Variants in MAST2 observed in about 807,000 individuals in gnomAD.
MAST2 encodes the protein microtubule-associated serine/threonine-protein kinase 2.
In MAST2, 70 loss-of-function variants were observed where a neutral mutation model predicts 147.4. The observed-to-expected ratio is 0.47, with a 90% CI of 0.39 to 0.58. The LOEUF (loss-of-function observed/expected upper bound fraction) is 0.58, where lower values mean the gene tolerates loss of function less well. Ranked by LOEUF, MAST2 falls within the 20% of genes least tolerant of loss-of-function variation. MAST2 has a pLI of 0.00. For synonymous variants in MAST2, 869 were observed against 896.8 expected, an observed-to-expected ratio of 0.97 and a Z score of 0.55; for missense variants, 2,080 against 2,302.3, an observed-to-expected ratio of 0.90 and a Z score of 1.98.
intron 4 of MAST2, among the ~76,000 whole-genome samples, chr1:45,911,607 G>A (rs187938476): frequency 6.6e-6 from 1 of 152,068 alleles, no homozygotes; most frequent in African/African-American, 2.4e-5. Flanking sequence ...TCATATATAG[G>A]TAACCAGGTG....
intron 21 of MAST2, 90 bp from the exon 22 acceptor site, chr1:46,030,517 T>G: frequency 1.4e-6 from 2 of 1,460,276 alleles, no homozygotes; most frequent in Non-Finnish European, 1.8e-6. Context: ...CTGGTTCAAA[T>G]TCCTAGGTTT....
chr1:45,937,775 A>T (rs1656502380), intron 4 of MAST2, among the ~76,000 whole-genome samples: 2 of 120,048 alleles, frequency 1.7e-5, no homozygotes, highest in Non-Finnish European at 3.5e-5. Context: ...AAAAAAAAAA[A>T]AAAAAAATTA....
chr1:45,860,613 C>A (rs1208026905), intron 3 of MAST2, among the ~76,000 whole-genome samples: 1 of 152,070 alleles, frequency 6.6e-6, no homozygotes, highest in Admixed American at 6.6e-5. Context: ...AGGCGGATCA[C>A]CTGAGGTCAG....
intron 4 of MAST2, among the ~76,000 whole-genome samples, chr1:45,928,821 G>C (rs1361512512): frequency 6.6e-6 from 1 of 151,662 alleles, no homozygotes; most frequent in East Asian, 1.9e-4. Flanking sequence ...TTTAATCTAG[G>C]GTGTTCTCAC....
At chr1:45,996,746 T>C (rs906060564) in intron 5 of MAST2, among the ~76,000 whole-genome samples, 1 of 152,138 alleles carries the variant, frequency 6.6e-6, no homozygotes, top group Admixed American at 6.6e-5. Flanking sequence ...CGTTAAGTGC[T>C]ATATAAGCCC....
chr1:45,848,164 A>T (rs780467873), intron 3 of MAST2, among the ~76,000 whole-genome samples: 18 of 152,360 alleles, frequency 1.2e-4, no homozygotes, highest in Non-Finnish European at 2.1e-4. Context: ...AGCAATGTTA[A>T]GAAATAGTAG....
chr1:45,870,165 C>T (rs1646324841), intron 3 of MAST2, among the ~76,000 whole-genome samples: 1 of 152,188 alleles, frequency 6.6e-6, no homozygotes, highest in Non-Finnish European at 1.5e-5. Context: ...CTGAGGTGAT[C>T]TGCCCACCTT....
chr1:45,834,977 G>A (rs1404113045), intron 3 of MAST2, among the ~76,000 whole-genome samples: 3 of 151,318 alleles, frequency 2.0e-5, no homozygotes, highest in Admixed American at 2.0e-4. Flanking sequence ...TTTATTGGTA[G>A]TGTTGAGGAT....
chr1:46,032,749 C>T, intron 26 of MAST2, 31 bp downstream of exon 26: 1 of 1,599,012 alleles, frequency 6.3e-7, no homozygotes, highest in Non-Finnish European at 8.5e-7. Flanking sequence ...CTGCATGGTC[C>T]CTGAATGACC....
chr1:45,995,931 C>T (rs983403802), intron 5 of MAST2, among the ~76,000 whole-genome samples: 8 of 152,234 alleles, frequency 5.3e-5, no homozygotes, highest in Admixed American at 2.0e-4. Context: ...GTAAAGGACC[C>T]ATCACACAAC....
At chr1:45,808,321 C>T (rs1281623317) in intron 1 of MAST2, among the ~76,000 whole-genome samples, 1 of 152,100 alleles carries the variant, frequency 6.6e-6, no homozygotes, top group Non-Finnish European at 1.5e-5. Flanking sequence ...ACCTCTGCCT[C>T]CCAGGTTCAA....
chr1:45,838,152 T>C (rs1015668836), intron 3 of MAST2, among the ~76,000 whole-genome samples: 1 of 152,018 alleles, frequency 6.6e-6, no homozygotes, highest in Non-Finnish European at 1.5e-5. Flanking sequence ...TTAATTTGCA[T>C]TTCTCTAATG....
intron 1 of MAST2, among the ~76,000 whole-genome samples, chr1:45,820,927 TC>T (rs1644607427): frequency 7.5e-6 from 1 of 133,486 alleles, no homozygotes; most frequent in Non-Finnish European, 1.6e-5. Flanking sequence ...TGAGTCAGAG[TC>T]TTGCTCTGTT....
Position 45,917,595 on chromosome 1 carries a change from A to C in MAST2, c.500+35200A>C. ...TGCTTCTGGCCAAATGGTAAAACGCATACCTTACTCCTTAATAATGGGGAG... is the reference window on the plus strand; with the variant it reads ...TGCTTCTGGCCAAATGGTAAAACGCCTACCTTACTCCTTAATAATGGGGAG... On this transcript the variant is annotated intron_variant, in intron 4 of 28. Coordinates refer to ENST00000361297, the MANE Select transcript of MAST2 (RefSeq NM_015112.3). 3 of 1,229,874 alleles carry C rather than the reference A, an allele frequency of 2.4e-6. No homozygotes were observed. The South Asian group carries it at 3.6e-5, about 15-fold the overall frequency. The allele number at this position is 1,229,874 out of a possible 1,614,324, so 76.2% of individuals were successfully genotyped here.
chr1:45,865,322 A>G (rs1226550290), intron 3 of MAST2, among the ~76,000 whole-genome samples: 2 of 152,154 alleles, frequency 1.3e-5, no homozygotes, highest in East Asian at 1.9e-4. Context: ...AAATCTTGCT[A>G]TTTTGATAGA....
chr1:45,902,638 A>G (rs536895277), intron 4 of MAST2, among the ~76,000 whole-genome samples: 1 of 150,782 alleles, frequency 6.6e-6, no homozygotes, highest in East Asian at 1.9e-4. Context: ...GTAGATTTTT[A>G]AATTACTGAT....
At chr1:45,982,561 C>T (rs756730669) in intron 5 of MAST2, among the ~76,000 whole-genome samples, 2 of 152,196 alleles carry the variant, frequency 1.3e-5, no homozygotes, top group Non-Finnish European at 2.9e-5. Context: ...GTGACACTCC[C>T]GGATTCCACA....
chr1:45,864,785 C>T (rs765199260), intron 3 of MAST2, among the ~76,000 whole-genome samples: 9 of 152,136 alleles, frequency 5.9e-5, no homozygotes, highest in Admixed American at 1.3e-4. Context: ...ATTTTTCCCC[C>T]GGAACCTTTT....
chr1:46,007,408 G>A (rs1011335953), intron 8 of MAST2, among the ~76,000 whole-genome samples: 2 of 152,146 alleles, frequency 1.3e-5, no homozygotes, highest in Non-Finnish European at 2.9e-5. Flanking sequence ...CCTGAGTCTT[G>A]GTGTTCTCAA....
Sources: allele counts gnomAD v4.1 joint callset (sites outside exome capture counted in the v4.1 genomes callset), GRCh38; gene constraint gnomAD v4.1.1; transcripts MANE v1.5; gene names NCBI Gene and HGNC (gene_info 2026-07-23, HGNC 2026-07-21).